Variants in RFX7 observed in about 807,000 individuals in gnomAD.
RFX7 encodes the protein DNA-binding protein RFX7.
Under a neutral mutation model 111.8 loss-of-function variants are expected in RFX7, and 26 were observed. The ratio of observed to expected loss-of-function variants is 0.23; its 90% confidence interval spans 0.17 to 0.32. The LOEUF (loss-of-function observed/expected upper bound fraction) is 0.32. RFX7 is among the 10% of genes least tolerant of loss of function. The probability of loss-of-function intolerance (pLI) is 1.00; values close to 1 mark genes in which losing one functional copy is unlikely to be tolerated. For missense variants in RFX7, 1,573 were observed against 1,772.9 expected, an observed-to-expected ratio of 0.89 and a Z score of 2.02; for synonymous variants, 624 against 624.4, an observed-to-expected ratio of 1.00 and a Z score of 0.01.
chr15:56,143,835 A>T (rs1287083743), intron 4 of RFX7, among the ~76,000 whole-genome samples: 1 of 152,208 alleles, frequency 6.6e-6, no homozygotes, highest in Non-Finnish European at 1.5e-5. Flanking sequence ...ATGAATTCTG[A>T]GAAATACTTA....
intron 2 of RFX7, among the ~76,000 whole-genome samples, chr15:56,204,464 AATGCTG>A (rs1374912377): frequency 6.6e-6 from 1 of 152,188 alleles, no homozygotes; most frequent in Non-Finnish European, 1.5e-5. Flanking sequence ...CATGTTGGGG[AATGCTG>A]ATTTAAAAGC....
intron 5 of RFX7, among the ~76,000 whole-genome samples, chr15:56,107,296 CAAAAAAAAAAAAAA>C (rs56077181): frequency 6.2e-5 from 2 of 32,146 alleles, no homozygotes; most frequent in Non-Finnish European, 1.1e-4. Context: ...GACTCCGTCT[CAAAAAAAAAAAAAA>C]AAAAAAAAAA....
chr15:56,134,833 C>G (rs1366132050), intron 5 of RFX7, among the ~76,000 whole-genome samples: 2 of 152,070 alleles, frequency 1.3e-5, no homozygotes, highest in Non-Finnish European at 2.9e-5. Context: ...TCTCATTGTT[C>G]AATCCCCACC....
chr15:56,203,017 C>T (rs141303908), intron 2 of RFX7, among the ~76,000 whole-genome samples: 1 of 152,126 alleles, frequency 6.6e-6, no homozygotes, highest in South Asian at 2.1e-4. Context: ...ATCTCAATAT[C>T]TGCCCTCCCC....
At chr15:56,215,276 T>C (rs1452588686) in intron 2 of RFX7, among the ~76,000 whole-genome samples, 1 of 152,254 alleles carries the variant, frequency 6.6e-6, no homozygotes, top group Non-Finnish European at 1.5e-5. Flanking sequence ...ATATTTCTTT[T>C]TTCAAATCCA....
At chr15:56,124,593 G>A (rs1353878231) in intron 5 of RFX7, among the ~76,000 whole-genome samples, 9 of 152,054 alleles carry the variant, frequency 5.9e-5, no homozygotes, top group Non-Finnish European at 7.4e-5. Context: ...TTTTATCTGC[G>A]TTTCCCTGAT....
intron 2 of RFX7, among the ~76,000 whole-genome samples, chr15:56,197,229 T>C (rs2043153402): frequency 6.6e-6 from 1 of 152,198 alleles, no homozygotes; most frequent in South Asian, 2.1e-4. Flanking sequence ...TTTTTATTAT[T>C]TTATTTACTA....
At chr15:56,143,779 T>C (rs1555421300) in intron 4 of RFX7, among the ~76,000 whole-genome samples, 1 of 152,186 alleles carries the variant, frequency 6.6e-6, no homozygotes, top group Non-Finnish European at 1.5e-5. Flanking sequence ...TATTTCTATA[T>C]ACAGTTTTAA....
At chr15:56,166,826 C>T (rs2042788242) in intron 3 of RFX7, among the ~76,000 whole-genome samples, 1 of 152,130 alleles carries the variant, frequency 6.6e-6, no homozygotes, top group Non-Finnish European at 1.5e-5. Context: ...ACAATTGTAG[C>T]TCCTGCAGTC....
intron 2 of RFX7, 69 bp from the exon 3 acceptor site, chr15:56,179,372 G>A: frequency 1.5e-6 from 1 of 680,072 alleles, no homozygotes; most frequent in Non-Finnish European, 2.1e-6. Flanking sequence ...TTCTCAAAAA[G>A]ATGTGGTAAT....
At chr15:56,201,179 GAC>G (rs1305480912) in intron 2 of RFX7, among the ~76,000 whole-genome samples, 1 of 152,124 alleles carries the variant, frequency 6.6e-6, no homozygotes, top group Non-Finnish European at 1.5e-5. Flanking sequence ...ATACTTGTAA[GAC>G]ATGACTTATT....
intron 3 of RFX7, among the ~76,000 whole-genome samples, chr15:56,153,052 A>T (rs1308420369): frequency 1.3e-5 from 2 of 152,224 alleles, no homozygotes; most frequent in Non-Finnish European, 2.9e-5. Context: ...AAGCTCTGAA[A>T]TTGAGGCAGT....
At chr15:56,191,150 G>C (rs1206999389) in intron 2 of RFX7, among the ~76,000 whole-genome samples, 2 of 152,186 alleles carry the variant, frequency 1.3e-5, no homozygotes, top group African/African-American at 4.8e-5. Context: ...AGAAGAGAAA[G>C]CACCTGGTTC....
At chr15:56,170,960 G>A (rs1189689511) in intron 3 of RFX7, among the ~76,000 whole-genome samples, 1 of 152,120 alleles carries the variant, frequency 6.6e-6, no homozygotes, top group Non-Finnish European at 1.5e-5. Flanking sequence ...GCAGAACAAT[G>A]GGGAGCCAAT....
At chr15:56,115,072 G>A (rs370382141) in intron 5 of RFX7, among the ~76,000 whole-genome samples, 3 of 152,042 alleles carry the variant, frequency 2.0e-5, no homozygotes, top group South Asian at 2.1e-4. Flanking sequence ...GTGCAATGGC[G>A]TGATTTCTGC....
At chr15:56,147,360 A>G (rs1044649304) in intron 3 of RFX7, among the ~76,000 whole-genome samples, 1 of 152,196 alleles carries the variant, frequency 6.6e-6, no homozygotes, top group South Asian at 2.1e-4. Flanking sequence ...GATTCTGTTT[A>G]TATTAAATAT....
intron 3 of RFX7, among the ~76,000 whole-genome samples, chr15:56,148,143 C>A (rs1567027273): frequency 6.6e-6 from 1 of 152,174 alleles, no homozygotes; most frequent in African/African-American, 2.4e-5. Flanking sequence ...CTTTCTCATG[C>A]ACTTCAATCT....
At chr15:56,210,506 C>T (rs1270155565) in intron 2 of RFX7, among the ~76,000 whole-genome samples, 2 of 150,808 alleles carry the variant, frequency 1.3e-5, no homozygotes, top group Non-Finnish European at 2.9e-5. Context: ...AAAAACAGCA[C>T]ATTCTTCTCA....
intron 3 of RFX7, among the ~76,000 whole-genome samples, chr15:56,149,062 G>T (rs910542667): frequency 7.1e-6 from 1 of 140,218 alleles, no homozygotes; most frequent in Non-Finnish European, 1.5e-5. Context: ...CAGCCTCAGC[G>T]ACAGAGCGAG....
Sources: gnomAD v4.1 joint callset for allele counts (sites outside exome capture counted in the v4.1 genomes callset) on GRCh38, gnomAD v4.1.1 for gene constraint, MANE v1.5 for transcripts, NCBI Gene and HGNC (gene_info 2026-07-23, HGNC 2026-07-21) for gene names.